CLEC16A: variants seen among roughly 807,000 people sequenced by gnomAD.
CLEC16A encodes C-type lectin domain containing 16A.
In CLEC16A, 51 loss-of-function variants were observed where a neutral mutation model predicts 109.5. The observed-to-expected ratio is 0.47, with a 90% CI of 0.37 to 0.59. The LOEUF is 0.59. Ranked by LOEUF, CLEC16A falls within the 20% of genes least tolerant of loss-of-function variation. The pLI is 0.00. For missense variants in CLEC16A, 1,339 were observed against 1,394.0 expected (o/e 0.96, Z 0.63); for synonymous variants, 673 against 564.2 (o/e 1.19, Z -2.73).
intron 19 of CLEC16A, among the ~76,000 whole-genome samples, chr16:11,100,813 C>T (rs1267012605): frequency 6.6e-6 from 1 of 152,168 alleles, no homozygotes; most frequent in Non-Finnish European, 1.5e-5. Context: ...GTGGCTGGAA[C>T]TTTTGAAGAG....
chr16:11,112,789 G>C (rs996079328), intron 19 of CLEC16A, among the ~76,000 whole-genome samples: 1 of 152,230 alleles, frequency 6.6e-6, no homozygotes, highest in South Asian at 2.1e-4. Context: ...TTGGAACAAG[G>C]TTCCGCTAGG....
chr16:11,122,816 T>G (rs967899876), intron 20 of CLEC16A, among the ~76,000 whole-genome samples: 1 of 152,172 alleles, frequency 6.6e-6, no homozygotes, highest in Non-Finnish European at 1.5e-5. Flanking sequence ...TTATTATATT[T>G]TGCTACATGT....
chr16:11,141,471 CA>C (rs981138405), intron 22 of CLEC16A, among the ~76,000 whole-genome samples: 3 of 152,188 alleles, frequency 2.0e-5, no homozygotes, highest in Non-Finnish European at 4.4e-5. Context: ...GCCGCCAGAG[CA>C]CGGGGTGTGG....
chr16:10,973,091 G>A, intron 7 of CLEC16A, 30 bp downstream of exon 7: 1 of 1,577,056 alleles, frequency 6.3e-7, no homozygotes, highest in East Asian at 2.3e-5. Context: ...CCACTCAGTA[G>A]ATAGACAGGG....
At position 11,174,950 on chromosome 16, in the gene CLEC16A, T is replaced by G. The variant is rs559846442; in HGVS notation, c.2807-3385T>G. ...TCCCTGCTGCCTCCCCTATGACGCT[T>G]CTTCTGTGGTTTCTGATGCGCTTTT... On this transcript the variant is annotated intron_variant, in intron 23 of 23. Transcript: ENST00000409790. The surrounding 1 kb of genome is among the most constrained non-coding windows in gnomAD (Gnocchi z 4.7). Among the ~76,000 whole-genome samples, 10 of 149,720 alleles carry G rather than the reference T, an allele frequency of 6.7e-5. No individual in the cohort carries two copies. Among genetic ancestry groups the G allele is most frequent in the South Asian group, 6.2e-4 (3 of 4,832 alleles).
chr16:11,093,059 G>A (rs570082794), intron 19 of CLEC16A, among the ~76,000 whole-genome samples: 4 of 152,086 alleles, frequency 2.6e-5, no homozygotes, highest in Non-Finnish European at 4.4e-5. Context: ...CCCATCTCAG[G>A]GATCTCCTCC....
At chr16:11,064,156 A>G (rs2152912094) in intron 19 of CLEC16A, among the ~76,000 whole-genome samples, 1 of 152,318 alleles carries the variant, frequency 6.6e-6, no homozygotes, top group South Asian at 2.1e-4. Flanking sequence ...TACGCCACCC[A>G]CCCACACAGT....
At chr16:11,095,370 C>G (rs1212427952) in intron 19 of CLEC16A, among the ~76,000 whole-genome samples, 2 of 152,122 alleles carry the variant, frequency 1.3e-5, no homozygotes, top group Admixed American at 6.5e-5. Context: ...AGGGCTCCCC[C>G]CACCTCCCCA....
intron 21 of CLEC16A, 84 bp downstream of exon 21, chr16:11,124,030 C>A: frequency 1.6e-6 from 2 of 1,227,940 alleles, no homozygotes; most frequent in Non-Finnish European, 2.3e-6. Flanking sequence ...ACCTTGAGAA[C>A]CCCCATAGCA....
At chr16:11,166,686 C>G in intron 23 of CLEC16A, 134 bp downstream of exon 23, 1 of 908,486 alleles carries the variant, frequency 1.1e-6, no homozygotes, top group Non-Finnish European at 1.6e-6. Context: ...GTGATCTGCA[C>G]ATGAAGCCTC....
Position 10,961,968 on chromosome 16 carries a change from C to CTTTTTTTTT in CLEC16A, c.210-481_210-473dup, listed in dbSNP as rs5815604. On this transcript the variant is annotated intron_variant, in intron 2 of 23. Coordinates refer to ENST00000409790, the MANE Select transcript of CLEC16A (RefSeq NM_015226.3). This position sits in a 1 kb window ranked among gnomAD's most constrained non-coding sequence, Gnocchi z 4.3. ...TTGGGAACTTTTTTTTCTTTTTTTT[C>CTTTTTTTTT]TTTTTTTTTTTTTTGGCTCTGTCAC... 5.2e-5 allele frequency among the ~76,000 whole-genome samples: 7 copies of CTTTTTTTTT among 135,330 alleles called. No individual in the cohort carries two copies. The highest frequency in any genetic ancestry group is 6.3e-5 in the Non-Finnish European group (4 of 63,792). 88.8% of individuals were successfully genotyped at this position (135,330 alleles called of 152,430 possible). A position where few individuals can be genotyped will look rare whatever the true frequency, so the allele number is the denominator to read the frequency against.
chr16:11,137,587 TAAAAA>T (rs5815617), intron 22 of CLEC16A, among the ~76,000 whole-genome samples: 3 of 59,342 alleles, frequency 5.1e-5, no homozygotes, highest in East Asian at 9.4e-4. Flanking sequence ...AGACTCCATC[TAAAAA>T]AAAAAAAAAA....
In CLEC16A at chr16:11,123,751, G is replaced by T; in HGVS notation, c.2278G>T (p.Val760Leu). ...GCTTCTCACTGTGCAGGACATGCAG[G>T]TGACTGGCGTGGAGGACGACAGCCG... Reference protein sequence around the residue: ...KFAGLLQDMQVTGVEDDSRAL... With the variant: ...KFAGLLQDMQLTGVEDDSRAL... Residue 760 changes from valine to leucine, a missense_variant, in exon 21 of 24, where the codon GTG becomes TTG. Val to Leu is a conservative substitution (Grantham distance 32). Around this residue, in one of 3 missense-constraint regions of CLEC16A, gnomAD observed 1,061 missense variants for 1,006.8 expected, o/e 1.05. Coordinates refer to ENST00000409790, the MANE Select transcript of CLEC16A (RefSeq NM_015226.3). The T allele has an allele frequency of 6.2e-7, 1 of 1,614,062 alleles. No homozygotes were observed. The highest frequency in any genetic ancestry group is 8.5e-7 in the Non-Finnish European group (1 of 1,179,908).
intron 23 of CLEC16A, among the ~76,000 whole-genome samples, 168 bp downstream of exon 23, chr16:11,166,720 T>A (rs906616865): frequency 6.6e-6 from 1 of 152,208 alleles, no homozygotes; most frequent in Non-Finnish European, 1.5e-5. Flanking sequence ...AACTTGATGT[T>A]CCCTCCCAGG....
intron 22 of CLEC16A, among the ~76,000 whole-genome samples, chr16:11,159,424 A>AT (rs951263156): frequency 6.6e-6 from 1 of 152,120 alleles, no homozygotes; most frequent in Non-Finnish European, 1.5e-5. Flanking sequence ...GCCCTGTCTG[A>AT]TTTTCAAAAG....
intron 22 of CLEC16A, chr16:11,126,375 G>C (rs776706506): frequency 6.9e-7 from 1 of 1,445,326 alleles, no homozygotes; most frequent in Non-Finnish European, 9.1e-7. Flanking sequence ...GAGATTTGTT[G>C]GGTATGTGGA....
chr16:11,115,793 C>T (rs1280585138), intron 19 of CLEC16A, among the ~76,000 whole-genome samples: 1 of 151,990 alleles, frequency 6.6e-6, no homozygotes, highest in African/African-American at 2.4e-5. Context: ...GAGAATCATC[C>T]AGTATGGAAC....
At chr16:11,073,716 C>G (rs1597293982) in intron 19 of CLEC16A, among the ~76,000 whole-genome samples, 1 of 152,212 alleles carries the variant, frequency 6.6e-6, no homozygotes, top group East Asian at 1.9e-4. Context: ...CTCCTTCCTC[C>G]TGCTCCACGT....
In CLEC16A at chr16:11,179,421, G is replaced by A. The variant is rs1345116866; in HGVS notation, c.*731G>A. The A allele has an allele frequency of 1.3e-5, 2 of 152,182 alleles. No individual in the cohort carries two copies. The highest frequency in any genetic ancestry group is 6.5e-5 in the Admixed American group (1 of 15,284). The allele number at this position is 152,182 out of a possible 1,614,324, so 9.4% of individuals were successfully genotyped here. ...GATTATTTTTTAAACAAAAACAAGG[G>A]AGATACATGTATTCTCAGGTACACA... is the stretch of plus-strand genomic sequence containing the variant. On this transcript the variant is annotated 3_prime_UTR_variant, in exon 24 of 24. Transcript: ENST00000409790.
Sources: allele counts gnomAD v4.1 joint callset (sites outside exome capture counted in the v4.1 genomes callset), GRCh38; gene constraint gnomAD v4.1.1; regional missense constraint gnomAD v4.1.1; non-coding constraint Gnocchi (gnomAD v3.1); transcripts MANE v1.5; gene names NCBI Gene and HGNC (gene_info 2026-07-23, HGNC 2026-07-21).